The following TRHDE variants were observed in gnomAD, a reference collection of about 807,000 sequenced individuals.
The protein encoded by TRHDE is thyrotropin-releasing hormone-degrading ectoenzyme.
A neutral mutation model predicts 125.7 loss-of-function variants in TRHDE; 72 were observed. The ratio of observed to expected loss-of-function variants is 0.57; its 90% confidence interval spans 0.47 to 0.70. TRHDE has a LOEUF of 0.70. Among genes scored for constraint, TRHDE ranks in the 30% least tolerant of loss-of-function variants. The pLI is 0.00. For synonymous variants in TRHDE, 509 were observed against 509.1 expected (o/e 1.00, Z 0.00); for missense variants, 1,110 against 1,327.1 (o/e 0.84, Z 2.54).
chr12:72,639,755 C>G (rs1254486863), intron 15 of TRHDE, among the ~76,000 whole-genome samples: 1 of 151,986 alleles, frequency 6.6e-6, no homozygotes, highest in Non-Finnish European at 1.5e-5. Context: ...GTTGGAGTAC[C>G]CGGCCGTGTG....
intron 2 of TRHDE, among the ~76,000 whole-genome samples, chr12:72,368,746 T>C (rs2135760478): frequency 6.6e-6 from 1 of 152,210 alleles, no homozygotes; most frequent in South Asian, 2.1e-4. Context: ...CCTTAAACAG[T>C]CTTTGATGTT....
chr12:72,532,958 A>C (rs1346265190), intron 6 of TRHDE, among the ~76,000 whole-genome samples: 2 of 120,956 alleles, frequency 1.7e-5, no homozygotes, highest in East Asian at 5.5e-4. Flanking sequence ...GTTACACAGC[A>C]TCATAGAAAT....
chr12:72,198,753 A>G (rs1232980018), intron 2 of TRHDE, among the ~76,000 whole-genome samples: 1 of 152,212 alleles, frequency 6.6e-6, no homozygotes, highest in Admixed American at 6.5e-5. Context: ...ACTTTCTGTC[A>G]AGGTGAGTGT....
chr12:72,287,573 T>C (rs1879936817), intron 2 of TRHDE, among the ~76,000 whole-genome samples: 2 of 135,276 alleles, frequency 1.5e-5, no homozygotes, highest in Non-Finnish European at 3.1e-5. Context: ...CATATCTATG[T>C]ATAGACACAC....
At chr12:72,357,112 A>G (rs1946955509) in intron 2 of TRHDE, among the ~76,000 whole-genome samples, 1 of 151,512 alleles carries the variant, frequency 6.6e-6, no homozygotes, top group Non-Finnish European at 1.5e-5. Context: ...AGAGAACCCA[A>G]AGCAATTTAC....
intron 2 of TRHDE, among the ~76,000 whole-genome samples, chr12:72,113,228 A>G (rs1413115132): frequency 1.3e-5 from 2 of 151,790 alleles, no homozygotes; most frequent in Non-Finnish European, 2.9e-5. Flanking sequence ...CATGTTGCCC[A>G]GGCTGGTCTT....
chr12:72,285,320 A>G (rs1414131816), intron 1 of TRHDE, among the ~76,000 whole-genome samples: 1 of 152,118 alleles, frequency 6.6e-6, no homozygotes, highest in African/African-American at 2.4e-5. Flanking sequence ...CAGATGATGG[A>G]GAGAGGAGTG....
At chr12:72,637,364 T>G (rs1166158216) in intron 15 of TRHDE, among the ~76,000 whole-genome samples, 2 of 152,244 alleles carry the variant, frequency 1.3e-5, no homozygotes, top group Non-Finnish European at 2.9e-5. Flanking sequence ...CTTTATCATC[T>G]TTTATTGCAT....
At chr12:72,157,124 T>C (rs1220162957) in intron 2 of TRHDE, among the ~76,000 whole-genome samples, 2 of 134,258 alleles carry the variant, frequency 1.5e-5, no homozygotes, top group Non-Finnish European at 3.2e-5. Flanking sequence ...TTTCTTTTTC[T>C]TTTTTTTTTT....
chr12:72,169,765 A>G (rs1841890359), intron 2 of TRHDE, among the ~76,000 whole-genome samples: 1 of 152,252 alleles, frequency 6.6e-6, no homozygotes, highest in South Asian at 2.1e-4. Flanking sequence ...CCCCACCCTT[A>G]TGACCCCATT....
At chr12:72,206,196 C>T (rs1448245579) in intron 2 of TRHDE, among the ~76,000 whole-genome samples, 1 of 151,456 alleles carries the variant, frequency 6.6e-6, no homozygotes, top group Admixed American at 6.6e-5. Flanking sequence ...AAGTGATTCT[C>T]CTCCTTCAGC....
chr12:72,595,014 C>A (rs1871867935), intron 12 of TRHDE, among the ~76,000 whole-genome samples: 3 of 146,398 alleles, frequency 2.0e-5, no homozygotes, highest in African/African-American at 7.6e-5. Context: ...ATTGCAAGGA[C>A]AAAAAACCAA....
chr12:72,471,042 AT>A (rs1477180779), intron 4 of TRHDE, among the ~76,000 whole-genome samples: 1 of 151,298 alleles, frequency 6.6e-6, no homozygotes. Flanking sequence ...TGCCCAGCTA[AT>A]TTTTTATATT....
intron 3 of TRHDE, among the ~76,000 whole-genome samples, chr12:72,388,024 C>G (rs753944076): frequency 6.6e-6 from 1 of 152,082 alleles, no homozygotes; most frequent in Non-Finnish European, 1.5e-5. Context: ...TGCCCCTACC[C>G]TTTACCCCCC....
chr12:72,090,028 CAG>C (rs1321917832), intron 1 of TRHDE, among the ~76,000 whole-genome samples: 1 of 152,008 alleles, frequency 6.6e-6, no homozygotes, highest in African/African-American at 2.4e-5. Context: ...TTTTATTTGG[CAG>C]AGAGAAATGA....
chr12:72,356,602 G>A (rs1037774955), intron 2 of TRHDE, among the ~76,000 whole-genome samples: 6 of 151,538 alleles, frequency 4.0e-5, no homozygotes, highest in African/African-American at 1.5e-4. Context: ...GGAAGGAATG[G>A]ATGTGAGAAG....
At chr12:72,662,811 G>A (rs560384067) in intron 18 of TRHDE, among the ~76,000 whole-genome samples, 1 of 152,088 alleles carries the variant, frequency 6.6e-6, no homozygotes, top group East Asian at 1.9e-4. Flanking sequence ...AAGTTGTAAT[G>A]TCCACTGTTT....
At chr12:72,368,743 C>T (rs1871445685) in intron 2 of TRHDE, among the ~76,000 whole-genome samples, 1 of 152,096 alleles carries the variant, frequency 6.6e-6, no homozygotes, top group Non-Finnish European at 1.5e-5. Context: ...AATCCTTAAA[C>T]AGTCTTTGAT....
chr12:72,230,529 C>T (rs1396273481), intron 2 of TRHDE, among the ~76,000 whole-genome samples: 1 of 152,034 alleles, frequency 6.6e-6, no homozygotes, highest in Admixed American at 6.6e-5. Context: ...AATTGTTCAG[C>T]CACATACCCA....
Sources: allele counts gnomAD v4.1 joint callset (sites outside exome capture counted in the v4.1 genomes callset), GRCh38; gene constraint gnomAD v4.1.1; transcripts MANE v1.5; gene names NCBI Gene and HGNC (gene_info 2026-07-23, HGNC 2026-07-21).